The following AFF2 variants were observed in gnomAD, a reference collection of about 807,000 sequenced individuals.
AFF2 encodes the protein ALF transcription elongation factor 2.
Under a neutral mutation model 76.9 loss-of-function variants are expected in AFF2, and 14 were observed. That is an observed-to-expected ratio of 0.18 (90% CI 0.12 to 0.28). The LOEUF is 0.28. Ranked by LOEUF, AFF2 falls within the 10% of genes least tolerant of loss-of-function variation. The pLI is 1.00. For missense variants in AFF2, 868 were observed against 1,001.1 expected (o/e 0.87, Z 1.79); for synonymous variants, 398 against 366.7 (o/e 1.09, Z -0.98).
At chrX:148,659,031 G>A (rs1322479256) in intron 2 of AFF2, among the ~76,000 whole-genome samples, 1 of 111,756 alleles carries the variant, frequency 8.9e-6, no homozygotes, top group Non-Finnish European at 1.9e-5. Context: ...TTCAAGGAAA[G>A]ATATCATAAG....
At chrX:148,539,146 T>C (rs1557237041) in intron 1 of AFF2, among the ~76,000 whole-genome samples, 1 of 112,112 alleles carries the variant, frequency 8.9e-6, no homozygotes, top group Non-Finnish European at 1.9e-5. Flanking sequence ...TTAAATGTAG[T>C]ATGCCCTATG....
intron 3 of AFF2, among the ~76,000 whole-genome samples, chrX:148,701,012 A>AGAGACTG: frequency 2.7e-5 from 2 of 73,738 alleles, no homozygotes; most frequent in Admixed American, 1.6e-4. Flanking sequence ...GAGAGAGAGA[A>AGAGACTG]TGTGTGTGTG....
At chrX:148,709,652 G>C (rs1296085484) in intron 3 of AFF2, among the ~76,000 whole-genome samples, 1 of 112,123 alleles carries the variant, frequency 8.9e-6, no homozygotes, top group Non-Finnish European at 1.9e-5. Context: ...TGTTTGAATT[G>C]TGAGATACAC....
At chrX:148,975,287 G>A (rs1303399894) in intron 16 of AFF2, among the ~76,000 whole-genome samples, 1 of 111,949 alleles carries the variant, frequency 8.9e-6, no homozygotes, top group Non-Finnish European at 1.9e-5. Flanking sequence ...CAAGTAATCG[G>A]TATGATGTTC....
chrX:148,885,039 A>C (rs2071141246), intron 7 of AFF2, among the ~76,000 whole-genome samples: 1 of 111,823 alleles, frequency 8.9e-6, no homozygotes, highest in Non-Finnish European at 1.9e-5. Context: ...ATATATAATA[A>C]ATAAAAATAT....
At chrX:148,725,911 A>G (rs936169976) in intron 3 of AFF2, among the ~76,000 whole-genome samples, 6 of 112,151 alleles carry the variant, frequency 5.3e-5, no homozygotes, top group Non-Finnish European at 1.1e-4. Flanking sequence ...TTTTAAAAGA[A>G]CTTTATATTT....
At chrX:148,827,815 A>C (rs1426609145) in intron 4 of AFF2, among the ~76,000 whole-genome samples, 1 of 112,063 alleles carries the variant, frequency 8.9e-6, no homozygotes, top group African/African-American at 3.2e-5. Context: ...CCTTGCAAGG[A>C]GTAGACACTC....
At chrX:148,938,622 A>G (rs1390364587) in intron 9 of AFF2, among the ~76,000 whole-genome samples, 1 of 111,986 alleles carries the variant, frequency 8.9e-6, no homozygotes, top group East Asian at 2.8e-4. Context: ...CCAAAGATGC[A>G]ATCACTAAAG....
intron 2 of AFF2, among the ~76,000 whole-genome samples, chrX:148,657,314 A>G (rs188845267): frequency 7.1e-5 from 8 of 112,297 alleles, no homozygotes; most frequent in Admixed American, 6.6e-4. Flanking sequence ...AGGAAATAGA[A>G]ACTTAGAGCT....
intron 9 of AFF2, among the ~76,000 whole-genome samples, chrX:148,915,196 C>T (rs782629555): frequency 8.9e-6 from 1 of 112,542 alleles, no homozygotes; most frequent in South Asian, 3.7e-4. Flanking sequence ...GTAAATCATT[C>T]TTCCACAAGA....
chrX:148,657,637 T>G (rs1483128292), intron 2 of AFF2, among the ~76,000 whole-genome samples: 3 of 112,060 alleles, frequency 2.7e-5, no homozygotes, highest in African/African-American at 9.7e-5. Context: ...GACATGTAAT[T>G]TATGCCTGAA....
At chrX:148,633,427 T>C (rs1017556215) in intron 1 of AFF2, among the ~76,000 whole-genome samples, 7 of 112,334 alleles carry the variant, frequency 6.2e-5, no homozygotes, top group African/African-American at 2.3e-4. Context: ...CATCCCTCAA[T>C]TGTGGATGTG....
chrX:148,903,563 C>G lies in AFF2; in HGVS notation c.1360-658C>G, dbSNP rs374183236. 1.3e-4 allele frequency among the ~76,000 whole-genome samples: 15 copies of G among 112,110 alleles called. No individual in the cohort carries two copies. In the East Asian group the frequency reaches 2.5e-3, roughly 19 times the overall value. On this transcript the variant is annotated intron_variant, in intron 8 of 20. Coordinates refer to ENST00000370460, the MANE Select transcript of AFF2 (RefSeq NM_002025.4). Reference sequence around the variant, plus strand: ...TTCAGCACTAAACTGGAACCGGGCTCCATGTCTAAGGCAATGCAGGCCGAG... The same window carrying G: ...TTCAGCACTAAACTGGAACCGGGCTGCATGTCTAAGGCAATGCAGGCCGAG...
chrX:148,916,219 T>G (rs1246526430), intron 9 of AFF2, among the ~76,000 whole-genome samples: 1 of 85,860 alleles, frequency 1.2e-5, no homozygotes, highest in African/African-American at 4.5e-5. Flanking sequence ...TTTTTTTTTT[T>G]TTTTTTTTGA....
At chrX:148,512,006 G>A (rs1211875076) in intron 1 of AFF2, among the ~76,000 whole-genome samples, 2 of 111,990 alleles carry the variant, frequency 1.8e-5, no homozygotes, top group Non-Finnish European at 3.8e-5. Flanking sequence ...ATTTTAGTGG[G>A]AGTGAAACAC....
intron 1 of AFF2, among the ~76,000 whole-genome samples, chrX:148,642,403 T>G (rs2054099315): frequency 8.9e-6 from 1 of 112,683 alleles, no homozygotes; most frequent in Non-Finnish European, 1.9e-5. Context: ...TAAGTAGTTA[T>G]TGAAATTGCC....
intron 8 of AFF2, among the ~76,000 whole-genome samples, chrX:148,895,696 C>T (rs1185777750): frequency 9.0e-6 from 1 of 110,760 alleles, no homozygotes; most frequent in Non-Finnish European, 1.9e-5. Flanking sequence ...ACTGCCCTCA[C>T]CTATGGATGT....
At chrX:148,603,370 T>G (rs782599233) in intron 1 of AFF2, among the ~76,000 whole-genome samples, 37 of 111,334 alleles carry the variant, frequency 3.3e-4, no homozygotes, top group African/African-American at 1.2e-3. Context: ...TTCTTCTATG[T>G]TGAAAACTTT....
At chrX:148,505,617 CA>C in intron 1 of AFF2, among the ~76,000 whole-genome samples, 1 of 103,092 alleles carries the variant, frequency 9.7e-6, no homozygotes, top group Admixed American at 1.0e-4. Flanking sequence ...ATTATTTTGC[CA>C]TGCAAAATTT....
Sources: allele counts gnomAD v4.1 joint callset (sites outside exome capture counted in the v4.1 genomes callset), GRCh38; gene constraint gnomAD v4.1.1; transcripts MANE v1.5; gene names NCBI Gene and HGNC (gene_info 2026-07-23, HGNC 2026-07-21).